Variants in GRIP1 observed in about 807,000 individuals in gnomAD.
GRIP1 encodes glutamate receptor-interacting protein 1.
GRIP1 carries 45 observed loss-of-function variants against 129.9 expected under a neutral mutation model. The observed-to-expected ratio is 0.35, with a 90% CI of 0.27 to 0.44. GRIP1 has a LOEUF of 0.44. Among genes scored for constraint, GRIP1 ranks in the 20% least tolerant of loss-of-function variants. The pLI is 1.00. For missense variants in GRIP1, 1,196 were observed against 1,396.8 expected (o/e 0.86, Z 2.29); for synonymous variants, 530 against 520.8 (o/e 1.02, Z -0.24).
At chr12:66,385,756 C>G (rs1187108837) in intron 19 of GRIP1, among the ~76,000 whole-genome samples, 2 of 151,922 alleles carry the variant, frequency 1.3e-5, no homozygotes, top group Non-Finnish European at 2.9e-5. Context: ...ATTACAGACA[C>G]ACACCACCAC....
chr12:66,370,165 T>C (rs2055404629), intron 23 of GRIP1, among the ~76,000 whole-genome samples: 1 of 152,190 alleles, frequency 6.6e-6, no homozygotes, highest in African/African-American at 2.4e-5. Context: ...CAACATCTAC[T>C]TCTAGGAAGT....
At chr12:67,052,647 C>T (rs2043364804) in intron 1 of GRIP1, among the ~76,000 whole-genome samples, 2 of 152,000 alleles carry the variant, frequency 1.3e-5, no homozygotes, top group Admixed American at 1.3e-4. Flanking sequence ...GTAGTCCCAG[C>T]TACTCAGGAT....
intron 1 of GRIP1, among the ~76,000 whole-genome samples, chr12:66,980,084 G>A (rs577602703): frequency 2.4e-4 from 37 of 152,256 alleles, no homozygotes; most frequent in Non-Finnish European, 4.9e-4. Flanking sequence ...TAAGACTTCA[G>A]ACAGCCAGAA....
At chr12:66,565,861 C>A (rs1404738459) in intron 2 of GRIP1, among the ~76,000 whole-genome samples, 2 of 152,060 alleles carry the variant, frequency 1.3e-5, no homozygotes, top group Non-Finnish European at 2.9e-5. Context: ...AGTGGGATTC[C>A]TAGGTATTTT....
intron 14 of GRIP1, among the ~76,000 whole-genome samples, chr12:66,425,790 G>A (rs2057963647): frequency 6.6e-6 from 1 of 151,880 alleles, no homozygotes; most frequent in Admixed American, 6.6e-5. Flanking sequence ...CATGGACACA[G>A]GAAGGGGAAC....
At chr12:66,954,016 C>T (rs1429086899) in intron 1 of GRIP1, among the ~76,000 whole-genome samples, 1 of 152,158 alleles carries the variant, frequency 6.6e-6, no homozygotes, top group Admixed American at 6.5e-5. Flanking sequence ...GCTGTCACAA[C>T]ATTTCTCTGA....
At chr12:66,481,569 A>G (rs542362064) in intron 7 of GRIP1, among the ~76,000 whole-genome samples, 1 of 152,334 alleles carries the variant, frequency 6.6e-6, no homozygotes, top group South Asian at 2.1e-4. Flanking sequence ...AACCAAAAAT[A>G]TCATTTGACC....
chr12:66,695,083 T>G (rs2035108324), intron 1 of GRIP1, among the ~76,000 whole-genome samples: 1 of 152,178 alleles, frequency 6.6e-6, no homozygotes, highest in African/African-American at 2.4e-5. Context: ...TCTAACCAAG[T>G]CATAAAGACC....
intron 1 of GRIP1, among the ~76,000 whole-genome samples, chr12:66,705,528 C>T (rs983444690): frequency 2.6e-5 from 4 of 152,160 alleles, no homozygotes; most frequent in African/African-American, 7.2e-5. Flanking sequence ...CTACCACTGA[C>T]ATTCTTCACA....
intron 1 of GRIP1, among the ~76,000 whole-genome samples, chr12:66,672,674 GA>G (rs2034137809): frequency 1.3e-5 from 2 of 152,090 alleles, no homozygotes; most frequent in Non-Finnish European, 2.9e-5. Context: ...TTCAAACACT[GA>G]CGGCTTGCCT....
chr12:66,885,511 G>A (rs1447273236), intron 1 of GRIP1, among the ~76,000 whole-genome samples: 1 of 152,210 alleles, frequency 6.6e-6, no homozygotes, highest in East Asian at 1.9e-4. Flanking sequence ...AGAAAATTCA[G>A]CACCAGGAAA....
chr12:66,549,734 T>C (rs2062062533), intron 2 of GRIP1, among the ~76,000 whole-genome samples: 1 of 152,120 alleles, frequency 6.6e-6, no homozygotes, highest in South Asian at 2.1e-4. Context: ...TTCTCATCCC[T>C]TGGGAGTCTG....
At chr12:66,818,136 A>C (rs1221891592) in intron 1 of GRIP1, among the ~76,000 whole-genome samples, 1 of 152,208 alleles carries the variant, frequency 6.6e-6, no homozygotes, top group South Asian at 2.1e-4. Flanking sequence ...TCTTTCTTAC[A>C]TCTAGAATAT....
Position 66,379,436 on chromosome 12 carries a change from C to T in GRIP1, c.2465G>A (p.Gly822Asp). ...SAIDTSYGTQGTSFQASGYNF... is the reference protein window; with the variant it reads ...SAIDTSYGTQDTSFQASGYNF... Reference sequence around the variant, plus strand: ...GTATCCTGAGGCCTGAAAACTAGTGCCTAAAATATAAACAAGGTGTTAGCA... The same window carrying T: ...GTATCCTGAGGCCTGAAAACTAGTGTCTAAAATATAAACAAGGTGTTAGCA... Residue 822 changes from glycine to aspartate, a missense_variant and splice_region_variant, in exon 20 of 25, where the codon GGC becomes GAC. By Grantham distance (94) the Gly-to-Asp change is moderately conservative (BLOSUM62 -1). Coordinates refer to ENST00000359742, the MANE Select transcript of GRIP1 (RefSeq NM_001366722.1). 6.2e-7 allele frequency: 1 copy of T among 1,613,914 alleles called. No individual in the cohort carries two copies. Among genetic ancestry groups the T allele is most frequent in the Non-Finnish European group, 8.5e-7 (1 of 1,179,868 alleles).
At chr12:66,887,534 T>A (rs1213770805) in intron 1 of GRIP1, among the ~76,000 whole-genome samples, 3 of 152,196 alleles carry the variant, frequency 2.0e-5, no homozygotes, top group Non-Finnish European at 4.4e-5. Flanking sequence ...ACTATAGATA[T>A]CTCCATCTAG....
At chr12:66,611,127 A>G (rs1053290756) in intron 1 of GRIP1, among the ~76,000 whole-genome samples, 1 of 152,188 alleles carries the variant, frequency 6.6e-6, no homozygotes, top group African/African-American at 2.4e-5. Context: ...TTAGGGATGT[A>G]TTGCTCAAAA....
intron 1 of GRIP1, among the ~76,000 whole-genome samples, chr12:66,957,610 T>C (rs73315213): frequency 0.02 from 3,007 of 152,142 alleles, 104 homozygotes; most frequent in African/African-American, 0.068. Context: ...TGTCCCTCCA[T>C]TGGGACTTGT....
Position 66,542,059 on chromosome 12 carries a change from A to T in GRIP1, c.137-109T>A, listed in dbSNP as rs986942664. The T allele has an allele frequency of 7.5e-6, 7 of 931,762 alleles. No individual in the cohort carries two copies. In the African/African-American group the frequency reaches 9.7e-5, roughly 13 times the overall value. The allele number at this position is 931,762 out of a possible 1,614,324, so 57.7% of individuals were successfully genotyped here. A position where few individuals can be genotyped will look rare whatever the true frequency, so the allele number is the denominator to read the frequency against. ...TTTTCTTTTATGAGAAAAGATATTT[A>T]TGGCCTCCTTCCATTGTAATTTGAA... On this transcript the variant is annotated intron_variant, in intron 2 of 24. Coordinates refer to ENST00000359742, the MANE Select transcript of GRIP1 (RefSeq NM_001366722.1).
At chr12:66,707,646 T>C (rs945189530) in intron 1 of GRIP1, among the ~76,000 whole-genome samples, 4 of 151,810 alleles carry the variant, frequency 2.6e-5, no homozygotes, top group Non-Finnish European at 4.4e-5. Context: ...GGGGAAAAGA[T>C]GGTAGCAACC....
Sources: gnomAD v4.1 joint callset for allele counts (sites outside exome capture counted in the v4.1 genomes callset) on GRCh38, gnomAD v4.1.1 for gene constraint, MANE v1.5 for transcripts, NCBI Gene and HGNC (gene_info 2026-07-23, HGNC 2026-07-21) for gene names.